Variants in QTGAL observed in about 807,000 individuals in gnomAD.
The protein encoded by QTGAL is BGnT-like protein 1.
chr17:82,951,255 C>T, the QTGAL span, among the ~76,000 whole-genome samples: 4 of 152,164 alleles, frequency 2.6e-5, no homozygotes, highest in African/African-American at 7.2e-5. Context: ...TGGTTGAGTG[C>T]GGCCACCTCC....
chr17:82,953,206 TAGAG>T, the QTGAL span, among the ~76,000 whole-genome samples: 1 of 151,252 alleles, frequency 6.6e-6, no homozygotes, highest in Admixed American at 6.6e-5. Flanking sequence ...CTGAAGGAGA[TAGAG>T]ACACAAAAAT....
At chr17:82,982,211 G>A in the QTGAL span, among the ~76,000 whole-genome samples, 5 of 151,932 alleles carry the variant, frequency 3.3e-5, no homozygotes, top group Non-Finnish European at 7.3e-5. Context: ...CGAGCGGGCC[G>A]AGGAAGGAGG....
chr17:83,044,823 G>C, the QTGAL span, among the ~76,000 whole-genome samples: 1 of 152,196 alleles, frequency 6.6e-6, no homozygotes, highest in Non-Finnish European at 1.5e-5. Context: ...GCGCACGCCT[G>C]TAGACCCAGC....
chr17:83,017,702 T>C, the QTGAL span, among the ~76,000 whole-genome samples: 2 of 152,254 alleles, frequency 1.3e-5, no homozygotes, highest in South Asian at 2.1e-4. Flanking sequence ...GATGGTCCAG[T>C]TACCCTGGCT....
the QTGAL span, chr17:82,957,594 G>C: frequency 7.0e-7 from 1 of 1,434,920 alleles, no homozygotes; most frequent in Non-Finnish European, 9.3e-7. Flanking sequence ...CACGTTGCCA[G>C]TGGAGTGGAC....
At chr17:82,998,044 G>A in the QTGAL span, among the ~76,000 whole-genome samples, 10 of 150,600 alleles carry the variant, frequency 6.6e-5, no homozygotes, top group South Asian at 4.2e-4. Flanking sequence ...CCTAGAATTT[G>A]CTGGCACAAC....
At chr17:83,038,702 C>CA in the QTGAL span, among the ~76,000 whole-genome samples, 1 of 151,978 alleles carries the variant, frequency 6.6e-6, no homozygotes, top group East Asian at 1.9e-4. Flanking sequence ...ACTAAAACTA[C>CA]AAAAAAATTA....
At chr17:82,951,452 C>T in the QTGAL span, among the ~76,000 whole-genome samples, 6 of 152,208 alleles carry the variant, frequency 3.9e-5, no homozygotes, top group African/African-American at 1.4e-4. Context: ...CTGTATTAGG[C>T]TTTGGCTTAA....
chr17:82,946,004 G>T, the QTGAL span: 1 of 152,200 alleles, frequency 6.6e-6, no homozygotes, highest in Non-Finnish European at 1.5e-5. Flanking sequence ...GGCAGAGTTG[G>T]TGGCTGAATT....
At chr17:83,044,617 G>A in the QTGAL span, among the ~76,000 whole-genome samples, 136 of 152,264 alleles carry the variant, frequency 8.9e-4, no homozygotes, top group African/African-American at 3.2e-3. Flanking sequence ...ACTTCTATTC[G>A]GCACCGTCCT....
the QTGAL span, among the ~76,000 whole-genome samples, chr17:83,015,708 T>G: frequency 9.2e-5 from 14 of 152,226 alleles, no homozygotes; most frequent in Non-Finnish European, 2.9e-5. The surrounding 1 kb of genome is among the most constrained non-coding windows in gnomAD (Gnocchi z 4.4). Context: ...CGGCCTGAGC[T>G]GCCCCTCCTG....
At chr17:82,971,147 G>T in the QTGAL span, among the ~76,000 whole-genome samples, 11 of 152,268 alleles carry the variant, frequency 7.2e-5, no homozygotes, top group Admixed American at 7.2e-4. Flanking sequence ...ACGTTTCACG[G>T]GGACAAACCA....
chr17:82,956,313 C>T, the QTGAL span, among the ~76,000 whole-genome samples: 39 of 152,348 alleles, frequency 2.6e-4, 1 homozygote, highest in Non-Finnish European at 3.8e-4. This position sits in a 1 kb window ranked among gnomAD's most constrained non-coding sequence, Gnocchi z 5.7. Context: ...AGGACATCCC[C>T]GATGCAGCCA....
chr17:82,950,869 C>T, the QTGAL span, among the ~76,000 whole-genome samples: 2 of 152,348 alleles, frequency 1.3e-5, no homozygotes, highest in East Asian at 3.9e-4. Context: ...GTGCTGTGCA[C>T]AGATGTGCTG....
At chr17:83,025,748 A>T in the QTGAL span, among the ~76,000 whole-genome samples, 176 of 152,366 alleles carry the variant, frequency 1.2e-3, no homozygotes, top group African/African-American at 4.1e-3. Flanking sequence ...TCACAGAGAC[A>T]CAGTAACTAA....
chr17:83,039,211 G>A, the QTGAL span, among the ~76,000 whole-genome samples: 2 of 151,234 alleles, frequency 1.3e-5, no homozygotes, highest in African/African-American at 2.4e-5. Flanking sequence ...ACTGCTGAGC[G>A]CCCGCCGCCC....
chr17:83,010,824 T>C, the QTGAL span, among the ~76,000 whole-genome samples: 7 of 152,226 alleles, frequency 4.6e-5, no homozygotes, highest in African/African-American at 1.7e-4. Flanking sequence ...GCTCCACCCA[T>C]TCCCCCGACA....
chr17:83,044,669 C>T, the QTGAL span, among the ~76,000 whole-genome samples: 7 of 152,184 alleles, frequency 4.6e-5, no homozygotes, highest in Admixed American at 4.6e-4. Context: ...AAAAGCCAGG[C>T]GCGGCGGCTC....
At chr17:83,035,062 T>C in the QTGAL span, 1 of 1,612,932 alleles carries the variant, frequency 6.2e-7, no homozygotes, top group Non-Finnish European at 8.5e-7. Context: ...GGTAAGACCC[T>C]GAGCTCTGGG....
Sources: allele counts gnomAD v4.1 joint callset (sites outside exome capture counted in the v4.1 genomes callset), GRCh38; gene constraint gnomAD v4.1.1; non-coding constraint Gnocchi (gnomAD v3.1); transcripts MANE v1.5; gene names NCBI Gene and HGNC (gene_info 2026-07-23, HGNC 2026-07-21).